CRYM: variants seen among roughly 807,000 people sequenced by gnomAD.
CRYM encodes crystallin mu, also known as ketimine reductase mu-crystallin.
Under a neutral mutation model 32.9 loss-of-function variants are expected in CRYM, and 18 were observed. That is an observed-to-expected ratio of 0.55 (90% CI 0.38 to 0.81). CRYM has a LOEUF of 0.81. Ranked by LOEUF, CRYM falls within the 30% of genes least tolerant of loss-of-function variation. The probability of loss-of-function intolerance (pLI) is 0.00; values close to 1 mark genes in which losing one functional copy is unlikely to be tolerated. For missense variants in CRYM, 337 were observed against 393.5 expected (o/e 0.86, Z 1.21); for synonymous variants, 153 against 152.4 (o/e 1.00, Z -0.03).
intron 1 of CRYM, among the ~76,000 whole-genome samples, chr16:21,290,302 A>G (rs1960604805): frequency 6.6e-6 from 1 of 152,206 alleles, no homozygotes; most frequent in Non-Finnish European, 1.5e-5. Flanking sequence ...CAGTGAGACC[A>G]CGAACCCACC....
At chr16:21,269,536 C>T (rs1019961916) in intron 4 of CRYM, among the ~76,000 whole-genome samples, 6 of 152,118 alleles carry the variant, frequency 3.9e-5, no homozygotes, top group Non-Finnish European at 5.9e-5. Flanking sequence ...ATCTTTTAAC[C>T]GAGTAAGCTT....
chr16:21,285,645 T>C (rs1177106014), intron 1 of CRYM, among the ~76,000 whole-genome samples: 1 of 152,242 alleles, frequency 6.6e-6, no homozygotes, highest in African/African-American at 2.4e-5. Context: ...GTGTATCTAA[T>C]TATGTCCTGT....
chr16:21,299,251 G>A (rs969488411), intron 1 of CRYM, among the ~76,000 whole-genome samples: 2 of 151,930 alleles, frequency 1.3e-5, no homozygotes, highest in African/African-American at 4.8e-5. Flanking sequence ...CAGATTCTCA[G>A]CACTGCGTTT....
chr16:21,285,926 T>A (rs2093406442), intron 1 of CRYM, among the ~76,000 whole-genome samples: 1 of 152,238 alleles, frequency 6.6e-6, no homozygotes, highest in Non-Finnish European at 1.5e-5. Flanking sequence ...CCTCTATCAG[T>A]TTAGTCCCAT....
chr16:21,302,329 A>G (rs72782853), intron 1 of CRYM, among the ~76,000 whole-genome samples: 61,776 of 152,122 alleles, frequency 0.41, 13,969 homozygotes, highest in East Asian at 0.65. Context: ...CTCAGAGGGC[A>G]GTCCTGATAC....
intron 1 of CRYM, among the ~76,000 whole-genome samples, chr16:21,292,066 C>G (rs1190993584): frequency 6.6e-6 from 1 of 152,056 alleles, no homozygotes; most frequent in Non-Finnish European, 1.5e-5. Context: ...CATAGAAACA[C>G]TTGTATGCAA....
intron 2 of CRYM, 90 bp from the exon 3 acceptor site, chr16:21,275,684 T>C: frequency 2.9e-6 from 3 of 1,042,052 alleles, no homozygotes; most frequent in Non-Finnish European, 4.5e-6. Context: ...GCTTAGGAAG[T>C]TTTATAGCAT....
chr16:21,294,224 C>T (rs1165998878), intron 1 of CRYM, among the ~76,000 whole-genome samples: 4 of 152,356 alleles, frequency 2.6e-5, no homozygotes, highest in Non-Finnish European at 5.9e-5. Context: ...CCCTCTCCCT[C>T]CCTGGCACAG....
At chr16:21,262,818 A>G (rs2093357042) in intron 5 of CRYM, among the ~76,000 whole-genome samples, 2 of 152,286 alleles carry the variant, frequency 1.3e-5, no homozygotes, top group South Asian at 4.1e-4. Context: ...CAGATGCACG[A>G]ATGGAGGCTC....
In CRYM at chr16:21,278,101, G is replaced by A. The variant is rs1448425211; in HGVS notation, c.151C>T (p.Pro51Ser). ...ACTCACCCCCTGTGCTTGGTCACCG[G>A]CACCACGGTGCGCACGGGCTGCATG... ...GVMQPVRTVVPVTKHRGYLGV... is the reference protein window; with the variant it reads ...GVMQPVRTVVSVTKHRGYLGV... The change falls in exon 1 of 8, where the codon CCG becomes TCG. Residue 51 changes from proline (P) to serine (S), a missense_variant. By Grantham distance (74) the Pro-to-Ser change is moderately conservative (BLOSUM62 -1). Coordinates refer to ENST00000572914, the MANE Select transcript of CRYM (RefSeq NM_001376256.1). 1.6e-5 allele frequency: 25 copies of A among 1,546,876 alleles called. No individual in the cohort carries two copies. The highest frequency in any genetic ancestry group is 2.1e-5 in the Non-Finnish European group (24 of 1,146,990).
chr16:21,258,680 G>T lies in CRYM; in HGVS notation c.*101C>A. Reference sequence around the variant, plus strand: ...AGGTAAAACATGATAAGCACAAAAGGAGAGTTCACTGGGGACTGGACTCCC... The same window carrying T: ...AGGTAAAACATGATAAGCACAAAAGTAGAGTTCACTGGGGACTGGACTCCC... On this transcript the variant is annotated 3_prime_UTR_variant, in exon 8 of 8. Transcript: ENST00000572914. 1.0e-6 allele frequency: 1 copy of T among 990,914 alleles called. No homozygotes were observed. Among genetic ancestry groups the T allele is most frequent in the Non-Finnish European group, 1.6e-6 (1 of 618,072 alleles). 61.4% of individuals were successfully genotyped at this position (990,914 alleles called of 1,614,324 possible).
chr16:21,259,100 T>A (rs985867798), intron 7 of CRYM, among the ~76,000 whole-genome samples: 4 of 151,676 alleles, frequency 2.6e-5, no homozygotes, highest in African/African-American at 9.7e-5. Context: ...TTTTTTTTTT[T>A]AATTTTTTTT....
intron 1 of CRYM, among the ~76,000 whole-genome samples, chr16:21,284,900 A>G (rs527678277): frequency 4.1e-4 from 63 of 152,346 alleles, no homozygotes; most frequent in Admixed American, 5.9e-4. Flanking sequence ...CCAACAGTGT[A>G]TAAGTGTTCT....
intron 5 of CRYM, among the ~76,000 whole-genome samples, chr16:21,263,747 G>A (rs1424735322): frequency 6.6e-6 from 1 of 152,212 alleles, no homozygotes; most frequent in African/African-American, 2.4e-5. Context: ...CCAAATGCCT[G>A]CAAGGCCAGG....
At chr16:21,266,565 C>T (rs190012894) in intron 5 of CRYM, among the ~76,000 whole-genome samples, 4 of 152,180 alleles carry the variant, frequency 2.6e-5, no homozygotes, top group East Asian at 3.9e-4. Context: ...AAAGCATATA[C>T]ATGTCACATA....
At chr16:21,280,346 C>T (rs947779939), upstream of CRYM, among the ~76,000 whole-genome samples, 41 of 152,170 alleles carry the variant, frequency 2.7e-4, no homozygotes, top group African/African-American at 9.7e-4. Flanking sequence ...CACCACTGCA[C>T]TCCAGCCTGT....
chr16:21,279,735 G>T (rs1231805745), upstream of CRYM, among the ~76,000 whole-genome samples: 2 of 152,192 alleles, frequency 1.3e-5, no homozygotes, highest in Non-Finnish European at 2.9e-5. Flanking sequence ...TGGTATTTTG[G>T]TTGGAAGCTA....
intron 1 of CRYM, among the ~76,000 whole-genome samples, chr16:21,302,486 T>G (rs1292451650): frequency 6.6e-6 from 1 of 152,230 alleles, no homozygotes; most frequent in Non-Finnish European, 1.5e-5. Flanking sequence ...AGGAATACTT[T>G]ATGCAAAGCT....
upstream of CRYM, among the ~76,000 whole-genome samples, chr16:21,282,334 G>A (rs550042858): frequency 7.2e-5 from 11 of 152,170 alleles, no homozygotes; most frequent in South Asian, 2.1e-3. Flanking sequence ...GCATGAAAAC[G>A]GAATAATACA....
Sources: gnomAD v4.1 joint callset for allele counts (sites outside exome capture counted in the v4.1 genomes callset) on GRCh38, gnomAD v4.1.1 for gene constraint, MANE v1.5 for transcripts, NCBI Gene and HGNC (gene_info 2026-07-23, HGNC 2026-07-21) for gene names.